The following CREB1 variants were observed in gnomAD, a reference collection of about 807,000 sequenced individuals.
CREB1 encodes cAMP responsive element binding protein 1.
CREB1 carries 2 observed loss-of-function variants against 42.0 expected under a neutral mutation model. The ratio of observed to expected loss-of-function variants is 0.05; its 90% confidence interval spans 0.02 to 0.15. The LOEUF is 0.15. Among genes scored for constraint, CREB1 ranks in the 10% least tolerant of loss-of-function variants. The probability of loss-of-function intolerance (pLI) is 1.00; values close to 1 mark genes in which losing one functional copy is unlikely to be tolerated. For synonymous variants in CREB1, 123 were observed against 139.9 expected (o/e 0.88, Z 0.85); for missense variants, 199 against 388.9 (o/e 0.51, Z 4.11).
intron 7 of CREB1, chr2:207,580,505 G>A (rs1221287153): frequency 4.6e-6 from 1 of 217,776 alleles, no homozygotes; most frequent in East Asian, 6.8e-5. Context: ...CTTCTAGTGT[G>A]GCTATTTCAG....
chr2:207,545,194 A>G (rs1242125150), intron 1 of CREB1, among the ~76,000 whole-genome samples: 3 of 152,094 alleles, frequency 2.0e-5, no homozygotes, highest in Non-Finnish European at 2.9e-5. Context: ...AGCATTCCAG[A>G]GAAAGGTTCT....
intron 3 of CREB1, among the ~76,000 whole-genome samples, chr2:207,560,684 A>G (rs892952982): frequency 2.6e-5 from 4 of 152,334 alleles, no homozygotes; most frequent in South Asian, 2.1e-4. Context: ...AGTCGAGGAA[A>G]ATTGAGATGC....
intron 1 of CREB1, among the ~76,000 whole-genome samples, chr2:207,553,568 G>A: frequency 6.6e-6 from 1 of 152,096 alleles, no homozygotes; most frequent in African/African-American, 2.4e-5. Context: ...TAGGCAAAAT[G>A]TAAACAAAAA....
At chr2:207,565,829 C>T (rs1389238187) in intron 3 of CREB1, among the ~76,000 whole-genome samples, 1 of 152,118 alleles carries the variant, frequency 6.6e-6, no homozygotes, top group African/African-American at 2.4e-5. Context: ...CTTGTTATTC[C>T]TTGAATTTCT....
At chr2:207,589,449 A>G (rs977350293) in intron 7 of CREB1, among the ~76,000 whole-genome samples, 3 of 152,198 alleles carry the variant, frequency 2.0e-5, no homozygotes, top group African/African-American at 4.8e-5. Flanking sequence ...TAATTTTCCT[A>G]TTTTAAGGTC....
chr2:207,576,454 G>T (rs946737031), intron 6 of CREB1, among the ~76,000 whole-genome samples: 4 of 151,968 alleles, frequency 2.6e-5, no homozygotes, highest in African/African-American at 9.7e-5. Flanking sequence ...GGTAATGACA[G>T]TTGTATCCTT....
intron 2 of CREB1, chr2:207,559,262 A>G: frequency 1.0e-6 from 1 of 970,168 alleles, no homozygotes; most frequent in African/African-American, 1.8e-5. Context: ...CCCTGTAAGT[A>G]ATAATAACAA....
intron 6 of CREB1, chr2:207,576,949 A>C: frequency 2.5e-5 from 22 of 868,996 alleles, no homozygotes; most frequent in Non-Finnish European, 3.0e-5. Flanking sequence ...CATTAAAACA[A>C]TATGTTTTTC....
Position 207,581,936 on chromosome 2 carries a change from T to C in CREB1, c.839+4281T>C. On this transcript the variant is annotated intron_variant, in intron 7 of 7. Coordinates refer to ENST00000353267, the MANE Select transcript of CREB1 (RefSeq NM_004379.5). ...TAGAATATCCCTCAGTTTGCATTTG[T>C]CCAGTGTTTTCTATGGATAGATTGA... is the stretch of plus-strand genomic sequence containing the variant. 3 of 702,996 alleles carry C rather than the reference T, an allele frequency of 4.3e-6. No homozygotes were observed. In the South Asian group the frequency reaches 4.4e-5, roughly 10 times the overall value. The allele number at this position is 702,996 out of a possible 1,614,324, so 43.5% of individuals were successfully genotyped here.
At chr2:207,572,811 C>T (rs1272266922) in intron 5 of CREB1, among the ~76,000 whole-genome samples, 2 of 148,728 alleles carry the variant, frequency 1.3e-5, no homozygotes, top group South Asian at 2.1e-4. Context: ...GAGACTCCAT[C>T]TCAAAAAAAA....
At chr2:207,552,065 A>AAAAAG (rs2081530321) in intron 1 of CREB1, among the ~76,000 whole-genome samples, 1 of 151,030 alleles carries the variant, frequency 6.6e-6, no homozygotes, top group Non-Finnish European at 1.5e-5. Context: ...AAAAAAAAAA[A>AAAAAG]AATTAAGAAG....
intron 7 of CREB1, among the ~76,000 whole-genome samples, chr2:207,589,123 A>G (rs2084478740): frequency 6.6e-6 from 1 of 152,138 alleles, no homozygotes; most frequent in Admixed American, 6.5e-5. Context: ...AACTGCCACA[A>G]ACTTACTGGC....
intron 7 of CREB1, among the ~76,000 whole-genome samples, chr2:207,590,701 C>A (rs1171285828): frequency 6.6e-6 from 1 of 152,110 alleles, no homozygotes; most frequent in Non-Finnish European, 1.5e-5. Flanking sequence ...TGATCTGTCA[C>A]AACTACTCAA....
chr2:207,570,105 T>G, intron 4 of CREB1, 74 bp from the exon 5 acceptor site: 1 of 1,060,444 alleles, frequency 9.4e-7, no homozygotes, highest in Admixed American at 2.7e-5. Context: ...AGTTTTCTCA[T>G]CTTTAACTAT....
chr2:207,543,779 A>G (rs1332275547), intron 1 of CREB1, among the ~76,000 whole-genome samples: 1 of 151,060 alleles, frequency 6.6e-6, no homozygotes, highest in Admixed American at 6.6e-5. Flanking sequence ...ATTTTTTTGT[A>G]TTTTTAGTAG....
intron 7 of CREB1, among the ~76,000 whole-genome samples, chr2:207,594,549 C>T (rs1335186831): frequency 6.6e-6 from 1 of 152,124 alleles, no homozygotes; most frequent in Admixed American, 6.6e-5. Context: ...ATGCAGAGGG[C>T]CTTCCTAAGG....
chr2:207,545,731 CT>C (rs11356093), intron 1 of CREB1, among the ~76,000 whole-genome samples: 73,953 of 136,706 alleles, frequency 0.54, 19,779 homozygotes, highest in Middle Eastern at 0.68. Flanking sequence ...AGGAAGTGAA[CT>C]TTTTTTTTTT....
In CREB1 at chr2:207,599,345, C is replaced by A; in HGVS notation, c.*2287C>A. On this transcript the variant is annotated 3_prime_UTR_variant, in exon 8 of 8. Transcript: ENST00000353267. The stretch of plus-strand genomic sequence containing the variant: ...TATTTATTGAGTCAAAATGTCGAAT[C>A]GAACATTTTGAATGAAGTAAGTGTT... The A allele has an allele frequency of 4.9e-6, 1 of 203,718 alleles. No individual in the cohort carries two copies. Among genetic ancestry groups the A allele is most frequent in the Non-Finnish European group, 1.0e-5 (1 of 99,424 alleles). 12.6% of individuals were successfully genotyped at this position (203,718 alleles called of 1,614,324 possible).
At chr2:207,565,103 C>A (rs900642277) in intron 3 of CREB1, among the ~76,000 whole-genome samples, 2 of 151,456 alleles carry the variant, frequency 1.3e-5, no homozygotes, top group Non-Finnish European at 2.9e-5. Flanking sequence ...CAGAGATTAC[C>A]TGTATACTCC....
Sources: allele counts gnomAD v4.1 joint callset (sites outside exome capture counted in the v4.1 genomes callset), GRCh38; gene constraint gnomAD v4.1.1; transcripts MANE v1.5; gene names NCBI Gene and HGNC (gene_info 2026-07-23, HGNC 2026-07-21).